Variants in AK7 observed in about 807,000 individuals in gnomAD.
AK7 encodes adenylate kinase 7.
A neutral mutation model predicts 96.6 loss-of-function variants in AK7; 78 were observed. The ratio of observed to expected loss-of-function variants is 0.81; its 90% CI spans 0.67 to 0.97. The LOEUF is 0.97. AK7 is among the 50% of genes least tolerant of loss of function. The pLI is 0.00. For missense variants in AK7, 855 were observed against 887.9 expected (o/e 0.96, Z 0.47); for synonymous variants, 302 against 317.2 (o/e 0.95, Z 0.51).
intron 5 of AK7, among the ~76,000 whole-genome samples, chr14:96,435,236 T>C (rs747186959): frequency 4.6e-5 from 7 of 152,136 alleles, no homozygotes; most frequent in Non-Finnish European, 1.0e-4. Context: ...AGAAGGCTCA[T>C]CCAAGGCCCT....
In AK7 at chr14:96,406,246, C is replaced by T. The variant is rs1890704638; in HGVS notation, c.403+1381C>T. On this transcript the variant is annotated intron_variant, in intron 3 of 17. Transcript: ENST00000267584. ...AACCTCATTTAATACATCCAAATGC[C>T]TCCATAGGTGCCTCTTGATTGTGAA... 2.0e-5 allele frequency among the ~76,000 whole-genome samples: 3 copies of T among 152,114 alleles called. No homozygotes were observed. The South Asian group carries it at 6.2e-4, about 32-fold the overall frequency.
intron 5 of AK7, among the ~76,000 whole-genome samples, chr14:96,428,045 T>G (rs1029831226): frequency 6.6e-6 from 1 of 152,134 alleles, no homozygotes; most frequent in African/African-American, 2.4e-5. Context: ...ACATGTCCCA[T>G]GTTGGTTTGC....
rs886586786 is a variant in AK7, at chr14:96,486,035, C to T, written c.1975-863C>T. On this transcript the variant is annotated intron_variant, in intron 16 of 17. Coordinates refer to ENST00000267584, the MANE Select transcript of AK7 (RefSeq NM_152327.5). ...TCCTGACCTCGTGATCCACCCGCCT[C>T]GGCCTCCCAAAGTGCTGGGATTACA... 2.6e-5 allele frequency among the ~76,000 whole-genome samples: 4 copies of T among 152,148 alleles called. No individual in the cohort carries two copies. In the East Asian group the frequency reaches 5.8e-4, roughly 22 times the overall value.
At chr14:96,486,026 C>T (rs746976368) in intron 16 of AK7, among the ~76,000 whole-genome samples, 7 of 152,124 alleles carry the variant, frequency 4.6e-5, no homozygotes, top group Non-Finnish European at 1.0e-4. Flanking sequence ...CCTCGTGATC[C>T]ACCCGCCTCG....
chr14:96,400,075 G>A (rs1474203408), intron 2 of AK7, among the ~76,000 whole-genome samples: 1 of 108,836 alleles, frequency 9.2e-6, no homozygotes, highest in Non-Finnish European at 1.7e-5. Context: ...GTCTCACTCT[G>A]TTGCCCAGAC....
At chr14:96,474,534 G>A (rs1432412920) in intron 14 of AK7, among the ~76,000 whole-genome samples, 1 of 151,774 alleles carries the variant, frequency 6.6e-6, no homozygotes, top group Non-Finnish European at 1.5e-5. Context: ...GCTGAGGTAG[G>A]AGAATCACTT....
intron 8 of AK7, 52 bp from the exon 9 acceptor site, chr14:96,449,749 TA>T: frequency 7.0e-7 from 1 of 1,423,136 alleles, no homozygotes; most frequent in Non-Finnish European, 9.8e-7. Context: ...GAGTTTTATA[TA>T]AAGTAAAACC....
At chr14:96,458,042 T>C (rs1307078541) in intron 11 of AK7, 41 bp from the exon 12 acceptor site, 1 of 1,604,782 alleles carries the variant, frequency 6.2e-7, no homozygotes, top group African/African-American at 1.3e-5. Flanking sequence ...AGCAAATGGA[T>C]GTGGGGCATC....
chr14:96,437,233 T>G (rs1424996061), intron 5 of AK7, among the ~76,000 whole-genome samples: 1 of 152,186 alleles, frequency 6.6e-6, no homozygotes, highest in Non-Finnish European at 1.5e-5. Flanking sequence ...TGTAATTCAA[T>G]GGATAAATGC....
At chr14:96,479,320 G>T (rs1895382745) in intron 15 of AK7, among the ~76,000 whole-genome samples, 1 of 151,518 alleles carries the variant, frequency 6.6e-6, no homozygotes, top group Non-Finnish European at 1.5e-5. Flanking sequence ...CTCGTGATCT[G>T]CCCGCCTCGG....
At chr14:96,413,920 T>A (rs570055691) in intron 4 of AK7, among the ~76,000 whole-genome samples, 1 of 152,286 alleles carries the variant, frequency 6.6e-6, no homozygotes, top group South Asian at 2.1e-4. Flanking sequence ...GAAGGGAGAT[T>A]CTATTCCCAT....
At chr14:96,455,917 C>T (rs1893872287) in intron 10 of AK7, among the ~76,000 whole-genome samples, 1 of 151,940 alleles carries the variant, frequency 6.6e-6, no homozygotes, top group Admixed American at 6.6e-5. Flanking sequence ...TGAGAGTTAG[C>T]CTGCAGGGTC....
chr14:96,406,332 C>A (rs1228844180), intron 3 of AK7, among the ~76,000 whole-genome samples: 1 of 152,148 alleles, frequency 6.6e-6, no homozygotes, highest in African/African-American at 2.4e-5. Flanking sequence ...TTCTTAGGAC[C>A]ACCCTCTCCC....
intron 5 of AK7, among the ~76,000 whole-genome samples, chr14:96,433,222 G>A (rs935467678): frequency 1.3e-5 from 2 of 152,162 alleles, no homozygotes; most frequent in Admixed American, 1.3e-4. Context: ...GGCCTGCCTT[G>A]CTAGGTTGGG....
intron 12 of AK7, among the ~76,000 whole-genome samples, chr14:96,465,670 T>A (rs956306917): frequency 6.6e-6 from 1 of 152,110 alleles, no homozygotes; most frequent in Non-Finnish European, 1.5e-5. Flanking sequence ...AAAATCCTTT[T>A]ATTTTACCTG....
Position 96,414,953 on chromosome 14 carries a change from C to T in AK7, c.499-5869C>T, listed in dbSNP as rs117378348. On this transcript the variant is annotated intron_variant, in intron 4 of 17. Coordinates refer to ENST00000267584, the MANE Select transcript of AK7 (RefSeq NM_152327.5). Reference sequence around the variant, plus strand: ...ATGTTTTTGTAGTGACAGGGTTTTGCCATGTTGCCCAGGCTGGTCTCAAAT... The same window carrying T: ...ATGTTTTTGTAGTGACAGGGTTTTGTCATGTTGCCCAGGCTGGTCTCAAAT... Among the ~76,000 whole-genome samples the T allele has an allele frequency of 1.5e-3, 224 of 151,996 alleles. 4 individuals carry two copies. In the East Asian group the frequency reaches 0.04, roughly 27 times the overall value.
At chr14:96,473,180 T>C (rs1442120552) in intron 14 of AK7, among the ~76,000 whole-genome samples, 7 of 151,142 alleles carry the variant, frequency 4.6e-5, no homozygotes, top group Non-Finnish European at 8.9e-5. Flanking sequence ...TAATTTTTTT[T>C]TTTTTTTTGA....
At chr14:96,479,763 G>A (rs910287998) in intron 15 of AK7, among the ~76,000 whole-genome samples, 3 of 152,088 alleles carry the variant, frequency 2.0e-5, no homozygotes, top group Non-Finnish European at 2.9e-5. Context: ...CTGGACCTTC[G>A]CACGTATTCC....
chr14:96,418,179 T>C (rs888841929), intron 4 of AK7, among the ~76,000 whole-genome samples: 3 of 146,776 alleles, frequency 2.0e-5, no homozygotes, highest in Non-Finnish European at 4.5e-5. Flanking sequence ...TTTTTTTTTA[T>C]TAGCCTGGCA....
Sources: gnomAD v4.1 joint callset for allele counts (sites outside exome capture counted in the v4.1 genomes callset) on GRCh38, gnomAD v4.1.1 for gene constraint, MANE v1.5 for transcripts, NCBI Gene and HGNC (gene_info 2026-07-23, HGNC 2026-07-21) for gene names.